ENOX1: variants seen among roughly 807,000 people sequenced by gnomAD.
The protein encoded by ENOX1 is ecto-NOX disulfide-thiol exchanger 1, also known as candidate growth-related and time keeping constitutive hydroquinone (NADH) oxidase.
ENOX1 carries 42 observed loss-of-function variants against 82.5 expected under a neutral mutation model. The observed-to-expected ratio is 0.51, with a 90% CI of 0.40 to 0.66. ENOX1 has a LOEUF of 0.66. ENOX1 is among the 30% of genes least tolerant of loss of function. The pLI is 0.00. For missense variants in ENOX1, 608 were observed against 811.6 expected, an observed-to-expected ratio of 0.75 and a Z score of 3.05; for synonymous variants, 271 against 282.2, an observed-to-expected ratio of 0.96 and a Z score of 0.40.
chr13:43,297,011 G>A (rs556476367), intron 12 of ENOX1, among the ~76,000 whole-genome samples: 1 of 152,286 alleles, frequency 6.6e-6, no homozygotes, highest in South Asian at 2.1e-4. Flanking sequence ...CAAGTACAGA[G>A]ACTTGAGCAA....
chr13:43,527,189 C>T (rs2153686019), intron 2 of ENOX1, among the ~76,000 whole-genome samples: 1 of 152,162 alleles, frequency 6.6e-6, no homozygotes, highest in Admixed American at 6.5e-5. Context: ...CAGCTCCCTC[C>T]TCCCGAAGAT....
chr13:43,245,290 G>A (rs1294452116), intron 14 of ENOX1, among the ~76,000 whole-genome samples: 1 of 152,240 alleles, frequency 6.6e-6, no homozygotes, highest in Non-Finnish European at 1.5e-5. Flanking sequence ...GACCTCCACA[G>A]TGTCTTCCTG....
intron 1 of ENOX1, among the ~76,000 whole-genome samples, chr13:43,755,936 A>G (rs1950618582): frequency 1.3e-5 from 2 of 152,232 alleles, no homozygotes; most frequent in South Asian, 4.1e-4. Context: ...AGAATTAACT[A>G]GCAAATAAAG....
At chr13:43,749,182 T>C (rs1454343457) in intron 1 of ENOX1, among the ~76,000 whole-genome samples, 1 of 152,220 alleles carries the variant, frequency 6.6e-6, no homozygotes, top group Non-Finnish European at 1.5e-5. Context: ...AATCTGAATT[T>C]TAGTGAAAAT....
At chr13:43,229,493 G>A (rs113492542) in intron 15 of ENOX1, among the ~76,000 whole-genome samples, 1 of 152,170 alleles carries the variant, frequency 6.6e-6, no homozygotes, top group Non-Finnish European at 1.5e-5. Flanking sequence ...AGAGGTAGGT[G>A]GGGGCCAGAT....
intron 3 of ENOX1, among the ~76,000 whole-genome samples, chr13:43,480,978 A>G (rs1349136854): frequency 6.6e-6 from 1 of 152,194 alleles, no homozygotes; most frequent in Non-Finnish European, 1.5e-5. Flanking sequence ...AGGATGGAAC[A>G]TTTCCTAACT....
chr13:43,691,874 GTAT>G, intron 1 of ENOX1, among the ~76,000 whole-genome samples: 1 of 151,960 alleles, frequency 6.6e-6, no homozygotes, highest in East Asian at 1.9e-4. Flanking sequence ...CTAATTTTTT[GTAT>G]TTTTAGTAGA....
In ENOX1 at chr13:43,297,958, GACAA is replaced by G. The variant is rs1263397227; in HGVS notation, c.1446+384_1446+387del. ...TACATTTACACTAACCTTGAAGACA[GACAA>G]ACAAACTGCTTTTGTAAAATCAGTT... On this transcript the variant is annotated intron_variant, in intron 12 of 16. Coordinates refer to ENST00000690772, the MANE Select transcript of ENOX1 (RefSeq NM_001347969.2). 3.0e-3 allele frequency among the ~76,000 whole-genome samples: 459 copies of G among 152,326 alleles called. 5 individuals are homozygous for G. Among genetic ancestry groups the G allele is most frequent in the African/African-American group, 0.01 (435 of 41,584 alleles).
rs150935651 is a variant in ENOX1, at chr13:43,364,000, C to T, written c.209-2548G>A. On this transcript the variant is annotated intron_variant, in intron 5 of 16. Transcript: ENST00000690772. ...AAAAGAGCTTAGAAAGGAATTAACA[C>T]GTAAATTATGTTGGACCTGAAAGGA... 2.5e-3 allele frequency among the ~76,000 whole-genome samples: 374 copies of T among 151,662 alleles called. 4 individuals are homozygous for T. Among genetic ancestry groups the T allele is most frequent in the Admixed American group, 0.019 (296 of 15,236 alleles).
chr13:43,525,179 T>C lies in ENOX1; in HGVS notation c.-218-41027A>G, dbSNP rs556792073. 5.9e-5 allele frequency among the ~76,000 whole-genome samples: 9 copies of C among 152,252 alleles called. No homozygotes were observed. The South Asian group carries it at 1.7e-3, about 28-fold the overall frequency. The stretch of plus-strand genomic sequence containing the variant: ...TGCAGTAGCAGTCATTGCATTCACA[T>C]TGTGCAAGCATCATCACCATCCATC... On this transcript the variant is annotated intron_variant, in intron 2 of 16. Coordinates refer to ENST00000690772, the MANE Select transcript of ENOX1 (RefSeq NM_001347969.2).
intron 2 of ENOX1, among the ~76,000 whole-genome samples, chr13:43,487,538 C>T (rs2076471434): frequency 6.6e-6 from 1 of 152,166 alleles, no homozygotes; most frequent in Non-Finnish European, 1.5e-5. Flanking sequence ...GTACTGCTAC[C>T]AAGAGAGGTA....
intron 2 of ENOX1, among the ~76,000 whole-genome samples, chr13:43,487,920 C>T (rs2076486272): frequency 6.6e-6 from 1 of 152,178 alleles, no homozygotes; most frequent in Non-Finnish European, 1.5e-5. Flanking sequence ...TTCTTATTTC[C>T]CGCATATTCG....
At chr13:43,590,494 G>A (rs570148138) in intron 2 of ENOX1, among the ~76,000 whole-genome samples, 2 of 152,118 alleles carry the variant, frequency 1.3e-5, no homozygotes, top group Non-Finnish European at 2.9e-5. Context: ...TGAAAAATGG[G>A]CCGGGTGTGG....
chr13:43,341,295 C>CA (rs11386044), intron 9 of ENOX1, among the ~76,000 whole-genome samples: 46,097 of 139,736 alleles, frequency 0.33, 7,873 homozygotes, highest in Middle Eastern at 0.49. Context: ...GACTCCATCT[C>CA]AAAAAAAAAA....
intron 11 of ENOX1, among the ~76,000 whole-genome samples, chr13:43,309,792 C>T (rs982767880): frequency 6.6e-6 from 1 of 151,806 alleles, no homozygotes; most frequent in Admixed American, 6.6e-5. Flanking sequence ...AGCATGATAA[C>T]CTTTCTCACA....
At chr13:43,214,720 A>G (rs1444550509) in intron 16 of ENOX1, among the ~76,000 whole-genome samples, 1 of 152,122 alleles carries the variant, frequency 6.6e-6, no homozygotes, top group Non-Finnish European at 1.5e-5. Flanking sequence ...TTTCTTCTCC[A>G]TATTTTTATT....
At chr13:43,668,768 C>T (rs1031971283) in intron 1 of ENOX1, among the ~76,000 whole-genome samples, 2 of 152,098 alleles carry the variant, frequency 1.3e-5, no homozygotes, top group African/African-American at 4.8e-5. Flanking sequence ...AAGTACCTGA[C>T]CCAGGTGGGA....
At chr13:43,499,205 T>G (rs2076893581) in intron 2 of ENOX1, among the ~76,000 whole-genome samples, 1 of 152,062 alleles carries the variant, frequency 6.6e-6, no homozygotes, top group South Asian at 2.1e-4. Context: ...GATTGGTGGA[T>G]ACTAAAGAAA....
At chr13:43,217,939 C>A (rs902997395) in intron 16 of ENOX1, among the ~76,000 whole-genome samples, 1 of 152,198 alleles carries the variant, frequency 6.6e-6, no homozygotes, top group African/African-American at 2.4e-5. Flanking sequence ...ACGGTCCCCA[C>A]TTTAGTAGCA....
Sources: gnomAD v4.1 joint callset for allele counts (sites outside exome capture counted in the v4.1 genomes callset) on GRCh38, gnomAD v4.1.1 for gene constraint, MANE v1.5 for transcripts, NCBI Gene and HGNC (gene_info 2026-07-23, HGNC 2026-07-21) for gene names.